The following RBFOX1 variants were observed in gnomAD, a reference collection of about 807,000 sequenced individuals.
The protein encoded by RBFOX1 is RNA binding fox-1 homolog 1.
Under a neutral mutation model 57.7 loss-of-function variants are expected in RBFOX1, and 8 were observed. The observed-to-expected ratio is 0.14, with a 90% CI of 0.08 to 0.25. RBFOX1 has a LOEUF of 0.25. Ranked by LOEUF, RBFOX1 falls within the 10% of genes least tolerant of loss-of-function variation. The pLI, the probability that RBFOX1 is intolerant of heterozygous loss-of-function variation, is 1.00. For synonymous variants in RBFOX1, 326 were observed against 222.4 expected, an observed-to-expected ratio of 1.47 and a Z score of -4.15; for missense variants, 611 against 548.5, an observed-to-expected ratio of 1.11 and a Z score of -1.14.
rs115117935 is a variant in RBFOX1 at position 7,019,845 on chromosome 16, C to T, written c.-15-32212C>T. ...TATGATTCTCTCTAGCTGTTCCACA[C>T]CTCCCAATCTGTGGTCCAGCAATAC... On this transcript the variant is annotated intron_variant, in intron 3 of 15. Transcript: ENST00000550418. 4.7e-3 allele frequency among the ~76,000 whole-genome samples: 719 copies of T among 152,312 alleles called. 4 individuals are homozygous for T. Among genetic ancestry groups the T allele is most frequent in the African/African-American group, 0.013 (542 of 41,566 alleles).
At chr16:6,849,013 C>G (rs1008873135) in intron 3 of RBFOX1, among the ~76,000 whole-genome samples, 1 of 152,154 alleles carries the variant, frequency 6.6e-6, no homozygotes, top group African/African-American at 2.4e-5. Flanking sequence ...TTTAGGTAGT[C>G]CCACCATTGG....
Position 6,897,715 on chromosome 16 carries a change from C to T in RBFOX1, c.-15-154342C>T, listed in dbSNP as rs1237736859. Among the ~76,000 whole-genome samples the T allele has an allele frequency of 3.3e-5, 5 of 152,246 alleles. No homozygotes were observed. The East Asian group carries it at 7.7e-4, about 24-fold the overall frequency. Reference sequence around the variant, plus strand: ...GCCTGAGGCAGGACAGTTGCTTGAACCCGGGAGGCAGAGGTTGCAGTGTGC... The same window carrying T: ...GCCTGAGGCAGGACAGTTGCTTGAATCCGGGAGGCAGAGGTTGCAGTGTGC... On this transcript the variant is annotated intron_variant, in intron 3 of 15. Transcript: ENST00000550418.
chr16:5,919,887 T>TA (rs1367731403), intron 4 of RBFOX1, among the ~76,000 whole-genome samples: 1 of 152,204 alleles, frequency 6.6e-6, no homozygotes, highest in Non-Finnish European at 1.5e-5. Flanking sequence ...TCTCTGCCTT[T>TA]TTTTTCACTG....
chr16:7,692,607 G>C (rs1196411779), intron 14 of RBFOX1, among the ~76,000 whole-genome samples: 1 of 152,132 alleles, frequency 6.6e-6, no homozygotes, highest in Non-Finnish European at 1.5e-5. Flanking sequence ...GATCTTATTT[G>C]TAGACGAATT....
chr16:7,354,274 A>C (rs1310252274), intron 4 of RBFOX1, among the ~76,000 whole-genome samples: 1 of 152,184 alleles, frequency 6.6e-6, no homozygotes, highest in Non-Finnish European at 1.5e-5. Flanking sequence ...CTTGGCCCGA[A>C]TTGTATATTT....
intron 3 of RBFOX1, among the ~76,000 whole-genome samples, chr16:6,783,458 C>T (rs929967409): frequency 2.0e-3 from 272 of 139,436 alleles, no homozygotes; most frequent in Admixed American, 3.9e-3. Flanking sequence ...AAAAAAAAAT[C>T]TTATAACCAA....
chr16:6,793,900 C>G (rs938760118), intron 3 of RBFOX1, among the ~76,000 whole-genome samples: 1 of 152,082 alleles, frequency 6.6e-6, no homozygotes, highest in Non-Finnish European at 1.5e-5. Flanking sequence ...AAACATCTAT[C>G]TCCCTCTTGA....
rs370399267 is a variant in RBFOX1 at position 5,929,359 on chromosome 16, G to A, written c.351+62024G>A. ...CTCTTTCTCTGCCCACCACCCCCAA[G>A]CATTATAAATGTAATGTCTGAGAAT... On this transcript the variant is annotated intron_variant, in intron 4 of 19. Transcript: ENST00000641259. Among the ~76,000 whole-genome samples the A allele has an allele frequency of 9.2e-5, 14 of 152,006 alleles. No homozygotes were observed. In the East Asian group the frequency reaches 1.4e-3, roughly 15 times the overall value.
At chr16:7,010,877 C>G (rs1390103013) in intron 3 of RBFOX1, among the ~76,000 whole-genome samples, 1 of 152,142 alleles carries the variant, frequency 6.6e-6, no homozygotes, top group African/African-American at 2.4e-5. Flanking sequence ...GCTCCCGGCC[C>G]ACATCTCTTT....
At chr16:5,286,919 C>T (rs34258101) in intron 1 of RBFOX1, among the ~76,000 whole-genome samples, 66,387 of 152,092 alleles carry the variant, frequency 0.44, 14,883 homozygotes, top group Non-Finnish European at 0.5. Context: ...CAACCCTGTT[C>T]AGACCAGTCA....
chr16:7,084,058 C>T (rs1249027371), intron 4 of RBFOX1, among the ~76,000 whole-genome samples: 1 of 152,086 alleles, frequency 6.6e-6, no homozygotes, highest in Non-Finnish European at 1.5e-5. Flanking sequence ...ACCCTAATCC[C>T]ACCCGGGGGC....
chr16:5,757,504 A>G (rs1012339314), intron 3 of RBFOX1, among the ~76,000 whole-genome samples: 1 of 152,124 alleles, frequency 6.6e-6, no homozygotes, highest in Non-Finnish European at 1.5e-5. Context: ...TGCTGGGATT[A>G]CAGGCATGAG....
chr16:6,351,738 A>C (rs1191882535), intron 2 of RBFOX1, among the ~76,000 whole-genome samples: 1 of 152,218 alleles, frequency 6.6e-6, no homozygotes, highest in African/African-American at 2.4e-5. Context: ...GTATGCATAC[A>C]TATATGTTTG....
chr16:6,507,085 G>A (rs150118454), intron 2 of RBFOX1, among the ~76,000 whole-genome samples: 1 of 152,076 alleles, frequency 6.6e-6, no homozygotes, highest in Non-Finnish European at 1.5e-5. Flanking sequence ...TACCTCCAAG[G>A]TACATCCCAA....
At chr16:5,809,285 A>C (rs1261778423) in intron 3 of RBFOX1, among the ~76,000 whole-genome samples, 2 of 152,326 alleles carry the variant, frequency 1.3e-5, no homozygotes, top group Non-Finnish European at 1.5e-5. Context: ...AGTCTAAAAC[A>C]CCAAAAGCAA....
chr16:7,215,509 C>T (rs1013452806), intron 4 of RBFOX1, among the ~76,000 whole-genome samples: 8 of 152,054 alleles, frequency 5.3e-5, no homozygotes, highest in Admixed American at 3.3e-4. Flanking sequence ...TTATGAGATA[C>T]GATTTACACA....
At chr16:5,720,646 G>A (rs4567718) in intron 3 of RBFOX1, among the ~76,000 whole-genome samples, 85,779 of 151,968 alleles carry the variant, frequency 0.56, 27,198 homozygotes, top group Non-Finnish European at 0.73. Flanking sequence ...ATTCTCTTGT[G>A]TGCAGTTATC....
intron 4 of RBFOX1, among the ~76,000 whole-genome samples, chr16:7,440,828 C>T (rs187239187): frequency 6.6e-6 from 1 of 152,172 alleles, no homozygotes; most frequent in African/African-American, 2.4e-5. Context: ...AAGGGGGCTA[C>T]AAGGAATTTT....
intron 3 of RBFOX1, among the ~76,000 whole-genome samples, chr16:6,906,334 A>T (rs551438709): frequency 6.6e-6 from 1 of 152,174 alleles, no homozygotes; most frequent in South Asian, 2.1e-4. Flanking sequence ...ATTGTGTCTC[A>T]GGCACTACCT....
Sources: allele counts gnomAD v4.1 joint callset (sites outside exome capture counted in the v4.1 genomes callset), GRCh38; gene constraint gnomAD v4.1.1; transcripts MANE v1.5; gene names NCBI Gene and HGNC (gene_info 2026-07-23, HGNC 2026-07-21).